The following FNDC3B variants were observed in gnomAD, a reference collection of about 807,000 sequenced individuals.
The protein encoded by FNDC3B is fibronectin type III domain containing 3B.
In FNDC3B, 12 loss-of-function variants were observed where a neutral mutation model predicts 151.5. The observed-to-expected ratio is 0.08, with a 90% CI of 0.05 to 0.13. FNDC3B has a LOEUF of 0.13. Among genes scored for constraint, FNDC3B ranks in the 10% least tolerant of loss-of-function variants. The pLI, the probability that FNDC3B is intolerant of heterozygous loss-of-function variation, is 1.00. For missense variants in FNDC3B, 1,214 were observed against 1,505.3 expected, an observed-to-expected ratio of 0.81 and a Z score of 3.20; for synonymous variants, 528 against 549.0, an observed-to-expected ratio of 0.96 and a Z score of 0.54.
intron 1 of FNDC3B, among the ~76,000 whole-genome samples, chr3:172,084,505 A>G (rs1718452138): frequency 6.6e-6 from 1 of 152,126 alleles, no homozygotes; most frequent in South Asian, 2.1e-4. Context: ...ACACACGTAT[A>G]TTCTGAATCT....
chr3:172,178,180 C>T (rs1049524433), intron 3 of FNDC3B, among the ~76,000 whole-genome samples: 1 of 152,070 alleles, frequency 6.6e-6, no homozygotes, highest in Admixed American at 6.6e-5. Flanking sequence ...AGCCTCCATG[C>T]ACTCTGAATT....
At chr3:172,297,095 C>T (rs1462763967) in intron 8 of FNDC3B, among the ~76,000 whole-genome samples, 1 of 152,274 alleles carries the variant, frequency 6.6e-6, no homozygotes, top group East Asian at 1.9e-4. Flanking sequence ...AGGAAGCAGT[C>T]ACCACTCAGC....
chr3:172,253,821 G>A (rs568888347), intron 6 of FNDC3B, among the ~76,000 whole-genome samples: 5 of 151,068 alleles, frequency 3.3e-5, no homozygotes, highest in Non-Finnish European at 5.9e-5. Context: ...GCCCTGTCAC[G>A]CAGGCTGGAG....
chr3:172,041,359 T>TTC (rs1553865330), intron 1 of FNDC3B, among the ~76,000 whole-genome samples: 1 of 149,136 alleles, frequency 6.7e-6, no homozygotes, highest in Admixed American at 6.7e-5. Context: ...TTAAAAATCG[T>TTC]TTTCTTTCTT....
At chr3:172,128,119 CACCT>C (rs1423122377) in intron 2 of FNDC3B, among the ~76,000 whole-genome samples, 3 of 152,216 alleles carry the variant, frequency 2.0e-5, no homozygotes, top group African/African-American at 7.2e-5. Flanking sequence ...AGGGGAGCTT[CACCT>C]ACAATGTGTA....
rs541047290 is a variant in FNDC3B, at chr3:172,314,743, G to A, written c.1254+3862G>A. 7.6e-4 allele frequency among the ~76,000 whole-genome samples: 116 copies of A among 152,320 alleles called. 1 individual carries two copies. The highest frequency in any genetic ancestry group is 5.9e-5 in the Non-Finnish European group (4 of 68,030). On this transcript the variant is annotated intron_variant, in intron 11 of 25. Coordinates refer to ENST00000415807, the MANE Select transcript of FNDC3B (RefSeq NM_022763.4). ...TATTTCTGCTGAGATTAGGAATGCT[G>A]TGCCGAGTTGACCTTCATGGGAAGA...
In FNDC3B at chr3:172,109,899, A is replaced by G. The variant is rs562147303; in HGVS notation, c.-28-2553A>G. On this transcript the variant is annotated intron_variant, in intron 1 of 25. Coordinates refer to ENST00000415807, the MANE Select transcript of FNDC3B (RefSeq NM_022763.4). ...ATTTGGGGGGTAAAATGCCTTATGA[A>G]AAGAGATGGTTTTGCACATCTGTGT... 2.0e-5 allele frequency among the ~76,000 whole-genome samples: 3 copies of G among 152,278 alleles called. No individual in the cohort carries two copies. In the East Asian group the frequency reaches 5.8e-4, roughly 29 times the overall value.
chr3:172,158,730 A>AT (rs1357598226), intron 3 of FNDC3B, among the ~76,000 whole-genome samples: 2 of 151,982 alleles, frequency 1.3e-5, no homozygotes, highest in East Asian at 1.9e-4. Flanking sequence ...GACTCCAAAG[A>AT]TTTTTTTCCT....
intron 3 of FNDC3B, among the ~76,000 whole-genome samples, chr3:172,176,637 G>GAGTGCTTTGCAGTTGGAA (rs1723609797): frequency 6.6e-6 from 1 of 152,210 alleles, no homozygotes; most frequent in East Asian, 1.9e-4. Context: ...GATAATGTGA[G>GAGTGCTTTGCAGTTGGAA]AGTGCTTTGC....
intron 7 of FNDC3B, among the ~76,000 whole-genome samples, chr3:172,292,166 G>A (rs1473006369): frequency 6.6e-6 from 1 of 152,182 alleles, no homozygotes; most frequent in Non-Finnish European, 1.5e-5. Flanking sequence ...CAGTGAAAGG[G>A]AGAGAGCAGG....
intron 1 of FNDC3B, among the ~76,000 whole-genome samples, chr3:172,098,140 A>G (rs774517871): frequency 6.6e-6 from 1 of 152,098 alleles, no homozygotes; most frequent in Non-Finnish European, 1.5e-5. Flanking sequence ...TTTCTTGTAC[A>G]GGTTGGGAAG....
chr3:172,198,219 A>G (rs1285265733), intron 3 of FNDC3B, among the ~76,000 whole-genome samples: 2 of 29,100 alleles, frequency 6.9e-5, no homozygotes, highest in Admixed American at 1.0e-3. Flanking sequence ...TTCTCTAAGA[A>G]GTCCTGGCTT....
chr3:172,357,244 A>G (rs999715707), intron 22 of FNDC3B, among the ~76,000 whole-genome samples: 5 of 152,218 alleles, frequency 3.3e-5, no homozygotes, highest in Non-Finnish European at 7.3e-5. Context: ...ACATCAGCCT[A>G]GCCAAGAAGA....
intron 23 of FNDC3B, among the ~76,000 whole-genome samples, chr3:172,367,388 C>T (rs576841236): frequency 1.3e-5 from 2 of 151,926 alleles, no homozygotes; most frequent in Non-Finnish European, 2.9e-5. Context: ...AATAAGCAGA[C>T]AGTAAAACAG....
chr3:172,119,970 T>C (rs1358104699), intron 2 of FNDC3B, among the ~76,000 whole-genome samples: 4 of 152,218 alleles, frequency 2.6e-5, no homozygotes, highest in Non-Finnish European at 5.9e-5. Context: ...GTGGTCTGAC[T>C]TTTCAGATCT....
chr3:172,096,785 T>C (rs936115084), intron 1 of FNDC3B, among the ~76,000 whole-genome samples: 1 of 152,238 alleles, frequency 6.6e-6, no homozygotes, highest in Admixed American at 6.5e-5. Context: ...TTTTCTGTAT[T>C]TTCAGATTTC....
At chr3:172,097,539 T>C (rs1020340899) in intron 1 of FNDC3B, among the ~76,000 whole-genome samples, 1 of 152,216 alleles carries the variant, frequency 6.6e-6, no homozygotes, top group African/African-American at 2.4e-5. Context: ...CTTATATCAT[T>C]ATACAAATTA....
At chr3:172,201,975 A>G (rs1212884955) in intron 3 of FNDC3B, among the ~76,000 whole-genome samples, 2 of 152,236 alleles carry the variant, frequency 1.3e-5, no homozygotes, top group Admixed American at 6.5e-5. Flanking sequence ...TGATGTAATA[A>G]CTTGGATACA....
chr3:172,243,467 T>C (rs1169947205), intron 4 of FNDC3B, among the ~76,000 whole-genome samples: 1 of 148,752 alleles, frequency 6.7e-6, no homozygotes, highest in South Asian at 2.2e-4. Context: ...ACATCTTACA[T>C]GGATGGCAGC....
Sources: gnomAD v4.1 joint callset for allele counts (sites outside exome capture counted in the v4.1 genomes callset) on GRCh38, gnomAD v4.1.1 for gene constraint, MANE v1.5 for transcripts, NCBI Gene and HGNC (gene_info 2026-07-23, HGNC 2026-07-21) for gene names.